The following STAG1 variants were observed in gnomAD, a reference collection of about 807,000 sequenced individuals.
The protein encoded by STAG1 is cohesin subunit SA-1.
In STAG1, 26 loss-of-function variants were observed where a neutral mutation model predicts 170.9. The observed-to-expected ratio is 0.15, with a 90% CI of 0.11 to 0.21. The LOEUF (loss-of-function observed/expected upper bound fraction) is 0.21, where lower values mean the gene tolerates loss of function less well. STAG1 is among the 10% of genes least tolerant of loss of function. The pLI, the probability that STAG1 is intolerant of heterozygous loss-of-function variation, is 1.00. For synonymous variants in STAG1, 514 were observed against 497.7 expected (o/e 1.03, Z -0.44); for missense variants, 964 against 1,509.5 (o/e 0.64, Z 5.99).
At chr3:136,603,797 G>T (rs1356511479) in intron 4 of STAG1, among the ~76,000 whole-genome samples, 1 of 152,130 alleles carries the variant, frequency 6.6e-6, no homozygotes, top group African/African-American at 2.4e-5. Flanking sequence ...TGAGGCAGGG[G>T]AATGGCGTGA....
At chr3:136,342,186 AT>A (rs1936006920) in intron 30 of STAG1, among the ~76,000 whole-genome samples, 1 of 151,450 alleles carries the variant, frequency 6.6e-6, no homozygotes. Context: ...CACCCAGCTA[AT>A]TTTTTGTATT....
chr3:136,527,606 C>T (rs764324124), intron 6 of STAG1, among the ~76,000 whole-genome samples: 11 of 152,164 alleles, frequency 7.2e-5, no homozygotes, highest in African/African-American at 1.4e-4. Context: ...TTCTCCCTCC[C>T]GCTTTGTTCC....
chr3:136,407,377 T>A (rs1290286870), intron 21 of STAG1, among the ~76,000 whole-genome samples: 1 of 152,206 alleles, frequency 6.6e-6, no homozygotes, highest in Non-Finnish European at 1.5e-5. Context: ...ACATACTTTG[T>A]TAGATTTATA....
At chr3:136,480,893 T>A (rs2089887519) in intron 9 of STAG1, among the ~76,000 whole-genome samples, 1 of 142,654 alleles carries the variant, frequency 7.0e-6, no homozygotes, top group African/African-American at 2.5e-5. Context: ...CTGTTGTTGG[T>A]GTATAAGAAT....
intron 5 of STAG1, among the ~76,000 whole-genome samples, chr3:136,547,157 T>C (rs1475138384): frequency 6.6e-6 from 1 of 152,218 alleles, no homozygotes; most frequent in African/African-American, 2.4e-5. Flanking sequence ...TTAGAATAGT[T>C]TTAGACTAAC....
chr3:136,557,111 C>T (rs1319831486), intron 5 of STAG1, among the ~76,000 whole-genome samples: 14 of 151,844 alleles, frequency 9.2e-5, no homozygotes, highest in Admixed American at 9.2e-4. Context: ...GTGGTGCGTG[C>T]CTGTAGTCTC....
At chr3:136,646,093 G>C (rs906343001) in intron 1 of STAG1, among the ~76,000 whole-genome samples, 2 of 152,120 alleles carry the variant, frequency 1.3e-5, no homozygotes, top group African/African-American at 4.8e-5. Flanking sequence ...CTGCTCCTCA[G>C]TTTCATACAC....
At chr3:136,588,313 G>A (rs1937948259) in intron 4 of STAG1, among the ~76,000 whole-genome samples, 1 of 151,912 alleles carries the variant, frequency 6.6e-6, no homozygotes, top group African/African-American at 2.4e-5. Flanking sequence ...TGGTTTTTTG[G>A]GTTTTTTCTG....
rs117472446 is a variant in STAG1, at chr3:136,415,404, A to G, written c.2196+2481T>C. Among the ~76,000 whole-genome samples, 16 of 152,368 alleles carry G rather than the reference A, an allele frequency of 1.1e-4. No homozygotes were observed. In the East Asian group the frequency reaches 3.1e-3, roughly 29 times the overall value. ...GACAGTTTTAAGGTATCTTCAAAAC[A>G]TTAAGCACAACTGAGGGTCAACAGT... On this transcript the variant is annotated intron_variant, in intron 21 of 33. Transcript: ENST00000383202.
intron 3 of STAG1, among the ~76,000 whole-genome samples, chr3:136,609,863 T>C (rs1216103494): frequency 6.6e-6 from 1 of 152,116 alleles, no homozygotes; most frequent in Non-Finnish European, 1.5e-5. Context: ...TTGACTGTGT[T>C]GGGTGTCAGC....
intron 4 of STAG1, among the ~76,000 whole-genome samples, chr3:136,598,617 G>A (rs973922822): frequency 4.0e-5 from 6 of 151,674 alleles, no homozygotes; most frequent in East Asian, 1.9e-4. Flanking sequence ...TAGTAGAGAC[G>A]GGGTTTCACT....
chr3:136,372,563 G>A (rs1937402899), intron 23 of STAG1, among the ~76,000 whole-genome samples: 1 of 152,130 alleles, frequency 6.6e-6, no homozygotes, highest in Non-Finnish European at 1.5e-5. Flanking sequence ...TATGAAGGTT[G>A]TTGAATTTTG....
At position 136,521,179 on chromosome 3, in the gene STAG1, T is replaced by C. The variant is rs750734345; in HGVS notation, c.676+34A>G. 3.3e-5 allele frequency: 52 copies of C among 1,556,758 alleles called. No homozygotes were observed. In the South Asian group the frequency reaches 5.3e-4, roughly 16 times the overall value. On this transcript the variant is annotated intron_variant, in intron 7 of 33. Transcript: ENST00000383202. ...CAGAATAAAACATAGTCAACAAAAC[T>C]AAATGAAAAGGAAATAAAATGTTAA...
intron 14 of STAG1, among the ~76,000 whole-genome samples, chr3:136,446,967 C>G (rs1165501985): frequency 6.6e-6 from 1 of 150,904 alleles, no homozygotes; most frequent in African/African-American, 2.4e-5. Context: ...CGCCACCCTG[C>G]TAATTTTTGT....
chr3:136,734,867 A>G (rs1185757804), intron 1 of STAG1, among the ~76,000 whole-genome samples: 1 of 152,192 alleles, frequency 6.6e-6, no homozygotes, highest in Non-Finnish European at 1.5e-5. Flanking sequence ...ATTCGTGACA[A>G]CATGGAAAAA....
intron 4 of STAG1, among the ~76,000 whole-genome samples, chr3:136,583,380 G>GA (rs1937639152): frequency 6.6e-6 from 1 of 152,038 alleles, no homozygotes; most frequent in Admixed American, 6.6e-5. Flanking sequence ...TAAGTCCACT[G>GA]AAACTGGGCT....
intron 9 of STAG1, chr3:136,499,911 T>G (rs1000565740): frequency 3.4e-5 from 6 of 176,070 alleles, no homozygotes; most frequent in African/African-American, 1.4e-4. Context: ...TTTTTAAATG[T>G]GAAAACAAGA....
At chr3:136,529,304 A>G (rs1431359138) in intron 6 of STAG1, among the ~76,000 whole-genome samples, 1 of 152,204 alleles carries the variant, frequency 6.6e-6, no homozygotes, top group Non-Finnish European at 1.5e-5. Context: ...ACAAGAGGCT[A>G]AGATCCAAAA....
chr3:136,651,888 A>G (rs1303737999), intron 1 of STAG1, among the ~76,000 whole-genome samples: 1 of 152,222 alleles, frequency 6.6e-6, no homozygotes, highest in African/African-American at 2.4e-5. Flanking sequence ...CACACAGTGA[A>G]TAATATTTAT....
Sources: gnomAD v4.1 joint callset for allele counts (sites outside exome capture counted in the v4.1 genomes callset) on GRCh38, gnomAD v4.1.1 for gene constraint, MANE v1.5 for transcripts, NCBI Gene and HGNC (gene_info 2026-07-23, HGNC 2026-07-21) for gene names.